VGLL4: variants seen among roughly 807,000 people sequenced by gnomAD.
VGLL4 encodes the protein transcription cofactor vestigial-like protein 4.
Under a neutral mutation model 21.0 loss-of-function variants are expected in VGLL4, and 7 were observed. The observed-to-expected ratio is 0.33, with a 90% CI of 0.19 to 0.63. The LOEUF is 0.63. Ranked by LOEUF, VGLL4 falls within the 20% of genes least tolerant of loss-of-function variation. The probability of loss-of-function intolerance (pLI) is 0.78; values close to 1 mark genes in which losing one functional copy is unlikely to be tolerated. For missense variants in VGLL4, 394 were observed against 425.7 expected, an observed-to-expected ratio of 0.93 and a Z score of 0.66; for synonymous variants, 222 against 173.2, an observed-to-expected ratio of 1.28 and a Z score of -2.21.
intron 2 of VGLL4, among the ~76,000 whole-genome samples, chr3:11,573,114 C>A: frequency 6.6e-6 from 1 of 151,448 alleles, no homozygotes. Flanking sequence ...TGCAGTGAGC[C>A]AAGATCGAGC....
chr3:11,566,365 T>A (rs1208181503), intron 2 of VGLL4, among the ~76,000 whole-genome samples: 1 of 152,226 alleles, frequency 6.6e-6, no homozygotes, highest in African/African-American at 2.4e-5. Context: ...AAAACTACAG[T>A]ACAATATCAC....
intron 1 of VGLL4, chr3:11,633,660 C>T (rs189838967): frequency 6.6e-6 from 1 of 152,160 alleles, no homozygotes; most frequent in African/African-American, 2.4e-5. Flanking sequence ...CAGAGCAAGA[C>T]ACCGTCTCAA....
chr3:11,605,623 T>A (rs2074922653), intron 1 of VGLL4, among the ~76,000 whole-genome samples: 1 of 152,106 alleles, frequency 6.6e-6, no homozygotes, highest in South Asian at 2.1e-4. Context: ...CTGAAGGTCA[T>A]CTCCTCTTCC....
In VGLL4 at chr3:11,565,071, A is replaced by T; in HGVS notation, c.273-52T>A. On this transcript the variant is annotated intron_variant, in intron 2 of 4. Transcript: ENST00000430365. The surrounding 1 kb of genome is among the most constrained non-coding windows in gnomAD (Gnocchi z 4.1). The stretch of plus-strand genomic sequence containing the variant: ...GGGCGTTTTCTCAAAGGCAAAGGGG[A>T]CAGTGACTGTGCGCCAGGCACTCCG... 2 of 1,429,630 alleles carry T rather than the reference A, an allele frequency of 1.4e-6. No individual in the cohort carries two copies. Among genetic ancestry groups the T allele is most frequent in the Non-Finnish European group, 1.8e-6 (2 of 1,084,098 alleles). The allele number at this position is 1,429,630 out of a possible 1,614,324, so 88.6% of individuals were successfully genotyped here.
chr3:11,670,951 T>C (rs2076204009), intron 2 of VGLL4, among the ~76,000 whole-genome samples: 1 of 152,154 alleles, frequency 6.6e-6, no homozygotes, highest in Non-Finnish European at 1.5e-5. Flanking sequence ...GCAGAAGAAT[T>C]GCTTGAACCC....
At chr3:11,687,410 CTT>C (rs1163586198) in intron 2 of VGLL4, among the ~76,000 whole-genome samples, 1 of 152,106 alleles carries the variant, frequency 6.6e-6, no homozygotes, top group African/African-American at 2.4e-5. Flanking sequence ...TAACATGTAT[CTT>C]GTTAGATATG....
At chr3:11,638,562 T>C (rs1336677727) in intron 1 of VGLL4, among the ~76,000 whole-genome samples, 2 of 151,922 alleles carry the variant, frequency 1.3e-5, no homozygotes, top group African/African-American at 2.4e-5. Flanking sequence ...TAACCCCCAC[T>C]GGCCCCCACT....
intron 2 of VGLL4, among the ~76,000 whole-genome samples, chr3:11,580,741 A>G (rs1029565634): frequency 6.6e-6 from 1 of 152,250 alleles, no homozygotes; most frequent in Non-Finnish European, 1.5e-5. Flanking sequence ...ATGTTCATCA[A>G]TAATGTAAAC....
chr3:11,595,424 G>A (rs1336414282), intron 2 of VGLL4, among the ~76,000 whole-genome samples: 1 of 152,316 alleles, frequency 6.6e-6, no homozygotes, highest in African/African-American at 2.4e-5. Flanking sequence ...GGAAGTCAGT[G>A]TGGTGATTCC....
At chr3:11,665,662 C>T (rs2076111651) in intron 2 of VGLL4, among the ~76,000 whole-genome samples, 1 of 152,228 alleles carries the variant, frequency 6.6e-6, no homozygotes, top group South Asian at 2.1e-4. Context: ...CAGAACACCA[C>T]GGCCAGGAGA....
At chr3:11,560,256 T>C (rs1208492018) in intron 3 of VGLL4, among the ~76,000 whole-genome samples, 2 of 152,200 alleles carry the variant, frequency 1.3e-5, no homozygotes, top group African/African-American at 4.8e-5. Flanking sequence ...GCAGTATGTC[T>C]GGCCCCCCAG....
intron 2 of VGLL4, among the ~76,000 whole-genome samples, chr3:11,672,412 T>C (rs1201623834): frequency 6.6e-6 from 1 of 152,180 alleles, no homozygotes; most frequent in South Asian, 2.1e-4. Flanking sequence ...TCTACTATTC[T>C]AGTATTTTCT....
chr3:11,702,955 T>A, intron 2 of VGLL4: 1 of 1,607,328 alleles, frequency 6.2e-7, no homozygotes, highest in Non-Finnish European at 8.5e-7. Context: ...TATTTTATAA[T>A]AGACTCCTCA....
intron 1 of VGLL4, among the ~76,000 whole-genome samples, chr3:11,623,748 T>TC (rs201236371): frequency 0.13 from 17,908 of 133,006 alleles, 1,281 homozygotes; most frequent in South Asian, 0.25. Flanking sequence ...GTGAAAATTT[T>TC]CTTTTTTTTT....
At chr3:11,639,862 C>A (rs1160663365) in intron 1 of VGLL4, among the ~76,000 whole-genome samples, 1 of 151,442 alleles carries the variant, frequency 6.6e-6, no homozygotes, top group Non-Finnish European at 1.5e-5. Context: ...GGCGACAGAG[C>A]AAGACTCCGT....
At chr3:11,604,254 AG>A in intron 1 of VGLL4, 1 of 478,832 alleles carries the variant, frequency 2.1e-6, no homozygotes. Context: ...CGCCGGAAGG[AG>A]CCCAGGAAGC....
intron 1 of VGLL4, among the ~76,000 whole-genome samples, chr3:11,639,958 A>T (rs1217828667): frequency 2.0e-5 from 3 of 152,214 alleles, no homozygotes; most frequent in African/African-American, 4.8e-5. Context: ...ACTCAATTCA[A>T]TCCTGCCACA....
intron 1 of VGLL4, among the ~76,000 whole-genome samples, chr3:11,629,178 T>C (rs2075422905): frequency 6.6e-6 from 1 of 152,218 alleles, no homozygotes; most frequent in Admixed American, 6.5e-5. Context: ...TTAAATTATA[T>C]ACACTCAGGA....
chr3:11,707,702 T>C (rs897374137), intron 1 of VGLL4, among the ~76,000 whole-genome samples: 1 of 151,388 alleles, frequency 6.6e-6, no homozygotes. Flanking sequence ...CTACAAAAGA[T>C]TAAAAAATTA....
Sources: allele counts gnomAD v4.1 joint callset (sites outside exome capture counted in the v4.1 genomes callset), GRCh38; gene constraint gnomAD v4.1.1; non-coding constraint Gnocchi (gnomAD v3.1); transcripts MANE v1.5; gene names NCBI Gene and HGNC (gene_info 2026-07-23, HGNC 2026-07-21).